The following SLC35G2 variants were observed in gnomAD, a reference collection of about 807,000 sequenced individuals.
SLC35G2 encodes transmembrane protein 22.
SLC35G2 carries 20 observed loss-of-function variants against 27.2 expected under a neutral mutation model. The ratio of observed to expected loss-of-function variants is 0.74; its 90% CI spans 0.52 to 1.07. SLC35G2 has a LOEUF of 1.07. Ranked by LOEUF, SLC35G2 falls within the 50% of genes least tolerant of loss-of-function variation. SLC35G2 has a pLI of 0.00. For missense variants in SLC35G2, 416 were observed against 493.3 expected (o/e 0.84, Z 1.48); for synonymous variants, 148 against 165.3 (o/e 0.90, Z 0.80).
chr3:136,843,744 C>G (rs1018374388), intron 1 of SLC35G2, among the ~76,000 whole-genome samples: 1 of 151,954 alleles, frequency 6.6e-6, no homozygotes, highest in Non-Finnish European at 1.5e-5. Context: ...ACCAGCCTGG[C>G]CAACATGGCA....
intron 1 of SLC35G2, among the ~76,000 whole-genome samples, chr3:136,840,599 C>G (rs1937048006): frequency 6.7e-6 from 1 of 148,402 alleles, no homozygotes; most frequent in Admixed American, 6.8e-5. Flanking sequence ...CCCTCCGTCT[C>G]TTTCTCTTCT....
intron 1 of SLC35G2, among the ~76,000 whole-genome samples, chr3:136,825,253 T>G (rs1463974459): frequency 1.3e-5 from 2 of 151,100 alleles, no homozygotes; most frequent in Non-Finnish European, 3.0e-5. Context: ...TTTTTTTTTT[T>G]TTTTTGAGAC....
chr3:136,836,458 G>C (rs1414523133), intron 1 of SLC35G2, among the ~76,000 whole-genome samples: 1 of 152,138 alleles, frequency 6.6e-6, no homozygotes, highest in African/African-American at 2.4e-5. Flanking sequence ...ACAACTAGAA[G>C]GTTGTGGAGC....
Position 136,854,720 on chromosome 3 carries a change from T to C in SLC35G2, c.260T>C (p.Ile87Thr), listed in dbSNP as rs752774448. The change falls in exon 2 of 2, where the codon ATT becomes ACT. Residue 87 changes from isoleucine to threonine, a missense_variant. Ile to Thr is a moderately conservative substitution (Grantham distance 89). Transcript: ENST00000446465. ...PPTEDPMINE[I>T]GQFQSFAEKN... is the part of the protein sequence containing the mutation. ...ACAGAAGACCCAATGATCAATGAGA[T>C]TGGACAATTCCAGAGCTTTGCAGAA... The C allele has an allele frequency of 3.7e-6, 6 of 1,614,022 alleles. No homozygotes were observed. The highest frequency in any genetic ancestry group is 2.2e-5 in the East Asian group (1 of 44,892).
intron 1 of SLC35G2, among the ~76,000 whole-genome samples, chr3:136,824,831 T>C (rs889075209): frequency 6.6e-6 from 1 of 152,178 alleles, no homozygotes; most frequent in African/African-American, 2.4e-5. Flanking sequence ...ACATGTGCCA[T>C]GTTTCTTTGC....
intron 1 of SLC35G2, chr3:136,820,265 C>T (rs944860953): frequency 2.6e-5 from 4 of 152,322 alleles, no homozygotes; most frequent in African/African-American, 4.8e-5. Flanking sequence ...GAGCGATCTT[C>T]CTCCGCGGGA....
chr3:136,834,644 ACTT>A (rs1470322929), intron 1 of SLC35G2, among the ~76,000 whole-genome samples: 2 of 152,094 alleles, frequency 1.3e-5, no homozygotes, highest in African/African-American at 4.8e-5. Flanking sequence ...AAAATTCAGG[ACTT>A]CATCATCACC....
intron 1 of SLC35G2, among the ~76,000 whole-genome samples, chr3:136,849,273 G>A (rs1257173350): frequency 6.6e-6 from 1 of 151,328 alleles, no homozygotes; most frequent in South Asian, 2.1e-4. Context: ...AATTATAATA[G>A]TACCTAATTT....
chr3:136,845,754 T>G (rs527656076), intron 1 of SLC35G2, among the ~76,000 whole-genome samples: 17 of 151,968 alleles, frequency 1.1e-4, no homozygotes, highest in African/African-American at 4.1e-4. Flanking sequence ...CGCCATCACG[T>G]CTAGCTAATT....
chr3:136,845,610 T>TC (rs1417718808), intron 1 of SLC35G2, among the ~76,000 whole-genome samples: 3 of 151,894 alleles, frequency 2.0e-5, no homozygotes, highest in Non-Finnish European at 2.9e-5. Flanking sequence ...TAATTTTTTT[T>TC]TTTTTGAGAC....
chr3:136,840,505 C>CCTCCCTCCCTTCCTCTCTCT (rs1576899000), intron 1 of SLC35G2, among the ~76,000 whole-genome samples: 2 of 151,150 alleles, frequency 1.3e-5, no homozygotes, highest in East Asian at 3.9e-4. Context: ...CTCTTCCTCC[C>CCTCCCTCCCTTCCTCTCTCT]CTCCCTCCCT....
intron 1 of SLC35G2, among the ~76,000 whole-genome samples, chr3:136,850,695 A>G (rs1296722493): frequency 6.8e-6 from 1 of 146,664 alleles, no homozygotes; most frequent in Admixed American, 6.8e-5. Context: ...TGTTGAATTA[A>G]AAAAAAAAAA....
chr3:136,820,076 G>A (rs1936409397), intron 1 of SLC35G2: 1 of 152,342 alleles, frequency 6.6e-6, no homozygotes, highest in Non-Finnish European at 1.5e-5. Context: ...TGAAGGCTCA[G>A]CGCGGACCTG....
At chr3:136,844,527 G>A (rs1937270584) in intron 1 of SLC35G2, among the ~76,000 whole-genome samples, 1 of 149,824 alleles carries the variant, frequency 6.7e-6, no homozygotes. Flanking sequence ...GACTGGGCGT[G>A]GTGGCTCACA....
chr3:136,849,586 G>T (rs1937549452), intron 1 of SLC35G2, among the ~76,000 whole-genome samples: 1 of 151,668 alleles, frequency 6.6e-6, no homozygotes, highest in African/African-American at 2.4e-5. Context: ...CCGCCTCCTG[G>T]GTTCAAGTGA....
chr3:136,838,706 T>A (rs983496219), intron 1 of SLC35G2: 5 of 152,206 alleles, frequency 3.3e-5, no homozygotes, highest in African/African-American at 1.2e-4. Context: ...AGGACAAATG[T>A]GAGCATGTGG....
At chr3:136,825,939 C>T (rs575908541) in intron 1 of SLC35G2, among the ~76,000 whole-genome samples, 133 of 152,250 alleles carry the variant, frequency 8.7e-4, no homozygotes, top group Non-Finnish European at 1.4e-3. Context: ...AGTATTCTCT[C>T]CTCTATTTTT....
intron 1 of SLC35G2, among the ~76,000 whole-genome samples, chr3:136,830,558 C>T (rs576529116): frequency 7.3e-4 from 111 of 152,296 alleles, no homozygotes; most frequent in Admixed American, 7.2e-4. Context: ...GCTGGGATTA[C>T]AGGCATGAGC....
chr3:136,824,608 C>T (rs1242567796), intron 1 of SLC35G2, among the ~76,000 whole-genome samples: 38 of 152,076 alleles, frequency 2.5e-4, no homozygotes, highest in Non-Finnish European at 4.4e-5. Flanking sequence ...TATCTGTAAA[C>T]AGTAGTTTAC....
Sources: gnomAD v4.1 joint callset for allele counts (sites outside exome capture counted in the v4.1 genomes callset) on GRCh38, gnomAD v4.1.1 for gene constraint, MANE v1.5 for transcripts, NCBI Gene and HGNC (gene_info 2026-07-23, HGNC 2026-07-21) for gene names.